The following CBARP variants were observed in gnomAD, a reference collection of about 807,000 sequenced individuals.
The protein encoded by CBARP is CACN subunit beta associated regulatory protein.
In CBARP, 24 loss-of-function variants were observed where a neutral mutation model predicts 36.3. The ratio of observed to expected loss-of-function variants is 0.66; its 90% confidence interval spans 0.48 to 0.93. CBARP has a LOEUF of 0.93. CBARP is among the 40% of genes least tolerant of loss of function. The pLI is 0.00. For synonymous variants in CBARP, 586 were observed against 453.2 expected (o/e 1.29, Z -3.72); for missense variants, 1,146 against 980.4 (o/e 1.17, Z -2.26).
In CBARP at chr19:1,228,675, C is replaced by T. The variant is rs1200253688; in HGVS notation, c.*504G>A. 2.0e-5 allele frequency: 3 copies of T among 152,322 alleles called. No homozygotes were observed. Among genetic ancestry groups the T allele is most frequent in the Non-Finnish European group, 4.4e-5 (3 of 68,736 alleles). 9.4% of individuals were successfully genotyped at this position (152,322 alleles called of 1,614,324 possible). On this transcript the variant is annotated 3_prime_UTR_variant, in exon 10 of 10. Coordinates refer to ENST00000650044, the MANE Select transcript of CBARP (RefSeq NM_001393918.1). ...CGGCAGTCACGGTGTTGAGCCGCCT[C>T]CCGGCCCAGGGCGGCGAACTCGTCT... is the stretch of plus-strand genomic sequence containing the variant.
At chr19:1,230,240 G>A in intron 9 of CBARP, 98 bp from the exon 10 acceptor site, 2 of 993,638 alleles carry the variant, frequency 2.0e-6, no homozygotes, top group Non-Finnish European at 2.4e-6. Flanking sequence ...GACGCGGGTG[G>A]GACTTGGGAC....
Position 1,229,772 on chromosome 19 carries a change from C to G in CBARP, c.1525G>C (p.Glu509Gln), listed in dbSNP as rs1163114764. Residue 509 changes from glutamate (E) to glutamine (Q), a missense_variant, in exon 10 of 10, where the codon GAG becomes CAG. Coordinates refer to ENST00000650044, the MANE Select transcript of CBARP (RefSeq NM_001393918.1). The surrounding 1 kb of genome is among the most constrained non-coding windows in gnomAD (Gnocchi z 5.1). ...LQMDSGYASI[E>Q]GRGAGDDTEP... is the part of the protein sequence containing the mutation. ...GTGTCGTCGCCTGCGCCGCGGCCCT[C>G]GATGCTGGCGTAGCCACTGTCCATC... 1 of 1,016,030 alleles carries G rather than the reference C, an allele frequency of 9.8e-7. No individual in the cohort carries two copies. The highest frequency in any genetic ancestry group is 1.2e-6 in the Non-Finnish European group (1 of 842,956). The allele number at this position is 1,016,030 out of a possible 1,614,324, so 62.9% of individuals were successfully genotyped here. A position where few individuals can be genotyped will look rare whatever the true frequency, so the allele number is the denominator to read the frequency against.
rs751881300 is a variant in CBARP, at chr19:1,233,430, C to T, written c.975G>A (p.Thr325=). ...EPSQRAASLD[T]RGSPKRHHFQ... is the part of the protein sequence containing the mutation. ...CCACCAGGTGCTACAGCTCACCTCTCGTGTCCAGACTGGCTGCCCGCTGGC... is the reference window on the plus strand; with the variant it reads ...CCACCAGGTGCTACAGCTCACCTCTTGTGTCCAGACTGGCTGCCCGCTGGC... Residue 325 remains threonine (T), a synonymous_variant, in exon 8 of 10, where the codon ACG becomes ACA. Transcript: ENST00000650044. The T allele has an allele frequency of 1.0e-5, 16 of 1,588,144 alleles. No individual in the cohort carries two copies. Among genetic ancestry groups the T allele is most frequent in the Admixed American group, 3.5e-5 (2 of 56,872 alleles).
At position 1,234,983 on chromosome 19, in the gene CBARP, C is replaced by G; in HGVS notation, c.455+18G>C. 6.3e-7 allele frequency: 1 copy of G among 1,591,862 alleles called. No individual in the cohort carries two copies. Among genetic ancestry groups the G allele is most frequent in the South Asian group, 1.1e-5 (1 of 90,112 alleles). The stretch of plus-strand genomic sequence containing the variant: ...CTCAGACAGGCCCTGGGGTGCCTCC[C>G]AACGCCGCCCCGCTTACCGGCGACC... On this transcript the variant is annotated intron_variant, in intron 5 of 9. Coordinates refer to ENST00000650044, the MANE Select transcript of CBARP (RefSeq NM_001393918.1).
upstream of CBARP, chr19:1,238,090 A>G (rs909219731): frequency 8.3e-5 from 12 of 145,206 alleles, no homozygotes; most frequent in African/African-American, 3.0e-4. Flanking sequence ...CCCACTCCGC[A>G]CGCGGAGCCG....
Position 1,229,222 on chromosome 19 carries a change from A to C in CBARP, c.2075T>G (p.Leu692Trp), listed in dbSNP as rs1380666895. The change falls in exon 10 of 10, where the codon TTG (leucine) becomes TGG (tryptophan). Residue 692 changes from leucine (L) to tryptophan (W), a missense_variant. Coordinates refer to ENST00000650044, the MANE Select transcript of CBARP (RefSeq NM_001393918.1). The surrounding 1 kb of genome is among the most constrained non-coding windows in gnomAD (Gnocchi z 5.1). ...LAEPVVATPA[L>W]VAAAPTSPDH... ...GGGGGACGTGGGGGCGGCGGCGACC[A>C]ACGCGGGAGTCGCCACGACGGGCTC... 3.3e-6 allele frequency: 4 copies of C among 1,218,294 alleles called. No individual in the cohort carries two copies. Among genetic ancestry groups the C allele is most frequent in the Non-Finnish European group, 4.2e-6 (4 of 955,678 alleles). 75.5% of individuals were successfully genotyped at this position (1,218,294 alleles called of 1,614,324 possible). A position where few individuals can be genotyped will look rare whatever the true frequency, so the allele number is the denominator to read the frequency against.
chr19:1,231,454 CT>C (rs1177564209), intron 8 of CBARP, among the ~76,000 whole-genome samples, 179 bp from the exon 9 acceptor site: 1 of 115,586 alleles, frequency 8.7e-6, no homozygotes, highest in Admixed American at 8.6e-5. Flanking sequence ...CATACAACGC[CT>C]GGGCCCCCCC....
chr19:1,233,665 C>T (rs1324055891), intron 7 of CBARP, 29 bp from the exon 8 acceptor site: 2 of 1,579,240 alleles, frequency 1.3e-6, no homozygotes, highest in South Asian at 2.3e-5. Context: ...GGCGCTCAGG[C>T]TAAGACTTCT....
intron 9 of CBARP, chr19:1,230,898 C>G (rs2080881051): frequency 6.4e-7 from 1 of 1,562,464 alleles, no homozygotes; most frequent in Admixed American, 1.9e-5. Flanking sequence ...TACCCTTACC[C>G]AGTCTCTCCC....
At chr19:1,234,859 G>A in intron 5 of CBARP, 117 bp from the exon 6 acceptor site, 1 of 1,502,900 alleles carries the variant, frequency 6.7e-7, no homozygotes, top group South Asian at 1.3e-5. Context: ...GGGGGCAACT[G>A]GCCAAGGCCG....
chr19:1,230,161 C>T lies in CBARP; in HGVS notation c.1155-19G>A, dbSNP rs2080870747. The T allele has an allele frequency of 1.0e-6, 1 of 1,001,040 alleles. No homozygotes were observed. Among genetic ancestry groups the T allele is most frequent in the Non-Finnish European group, 1.2e-6 (1 of 838,984 alleles). 62.0% of individuals were successfully genotyped at this position (1,001,040 alleles called of 1,614,324 possible). ...CTCTAGCCTGCAAGCCAGGCCGCGCCGTCAGAGCCCCGCCGAGCCCCGCGC... is the reference window on the plus strand; with the variant it reads ...CTCTAGCCTGCAAGCCAGGCCGCGCTGTCAGAGCCCCGCCGAGCCCCGCGC... On this transcript the variant is annotated intron_variant, in intron 9 of 9. Transcript: ENST00000650044.
intron 8 of CBARP, 48 bp from the exon 9 acceptor site, chr19:1,231,323 C>T (rs372217682): frequency 3.8e-5 from 59 of 1,570,120 alleles, no homozygotes; most frequent in African/African-American, 3.4e-4. Context: ...TGCCTCCACC[C>T]GCTCCACACA....
At position 1,229,258 on chromosome 19, in the gene CBARP, G is replaced by A; in HGVS notation, c.2039C>T (p.Pro680Leu). ...CGCCACGACGGGCTCGGCGAGGCGC[G>A]GCGGAAAGAGTCTCTCGTCGAGGCC... ...AAGLDERLFP[P>L]RLAEPVVATP... is the part of the protein sequence containing the mutation. Residue 680 changes from proline (P) to leucine (L), a missense_variant, in exon 10 of 10, where the codon CCG becomes CTG. Coordinates refer to ENST00000650044, the MANE Select transcript of CBARP (RefSeq NM_001393918.1). The surrounding 1 kb of genome is among the most constrained non-coding windows in gnomAD (Gnocchi z 5.1). 8.0e-7 allele frequency: 1 copy of A among 1,246,566 alleles called. No individual in the cohort carries two copies. The highest frequency in any genetic ancestry group is 1.6e-5 in the African/African-American group (1 of 61,664). The allele number at this position is 1,246,566 out of a possible 1,614,324, so 77.2% of individuals were successfully genotyped here.
In CBARP at chr19:1,234,691, C is replaced by T. The variant is rs375868119; in HGVS notation, c.507G>A (p.Thr169=). 22 of 1,612,788 alleles carry T rather than the reference C, an allele frequency of 1.4e-5. No individual in the cohort carries two copies. Among genetic ancestry groups the T allele is most frequent in the African/African-American group, 2.7e-5 (2 of 74,898 alleles). The change falls in exon 6 of 10, where the codon ACG becomes ACA. Residue 169 remains threonine, a synonymous_variant. Coordinates refer to ENST00000650044, the MANE Select transcript of CBARP (RefSeq NM_001393918.1). Reference sequence around the variant, plus strand: ...TCTTGAGGGGCGGCAGGTGCAGGTGCGTGAGCCGGGCATTCTTCAGGTGGT... The same window carrying T: ...TCTTGAGGGGCGGCAGGTGCAGGTGTGTGAGCCGGGCATTCTTCAGGTGGT... The part of the protein sequence containing the change: ...DFHHLKNARL[T]HLHLPPLKIV...
intron 8 of CBARP, 60 bp from the exon 9 acceptor site, chr19:1,231,335 A>C: frequency 6.5e-7 from 1 of 1,548,762 alleles, no homozygotes; most frequent in South Asian, 1.2e-5. Flanking sequence ...CTCCACACAC[A>C]CACAGAATGC....
chr19:1,229,189 C>T lies in CBARP; in HGVS notation c.2108G>A (p.Ser703Asn), dbSNP rs780366588. The change falls in exon 10 of 10, where the codon AGC becomes AAC. Residue 703 changes from serine to asparagine, a missense_variant. Coordinates refer to ENST00000650044, the MANE Select transcript of CBARP (RefSeq NM_001393918.1). This position sits in a 1 kb window ranked among gnomAD's most constrained non-coding sequence, Gnocchi z 5.1. ...VAAAPTSPDH[S>N]PA ...CCCAGGACGCGGGACTTAGGCCGGGCTGTGGTCGGGGGACGTGGGGGCGGC... is the reference window on the plus strand; with the variant it reads ...CCCAGGACGCGGGACTTAGGCCGGGTTGTGGTCGGGGGACGTGGGGGCGGC... The T allele has an allele frequency of 2.3e-5, 27 of 1,173,080 alleles. No homozygotes were observed. In the African/African-American group the frequency reaches 3.0e-4, roughly 13 times the overall value. The allele number at this position is 1,173,080 out of a possible 1,614,324, so 72.7% of individuals were successfully genotyped here. A position where few individuals can be genotyped will look rare whatever the true frequency, so the allele number is the denominator to read the frequency against.
chr19:1,228,493 G>T lies in CBARP; in HGVS notation c.*686C>A. 1.0e-5 allele frequency: 2 copies of T among 195,420 alleles called. No individual in the cohort carries two copies. The highest frequency in any genetic ancestry group is 3.6e-4 in the South Asian group (2 of 5,544). 12.1% of individuals were successfully genotyped at this position (195,420 alleles called of 1,614,324 possible). A position where few individuals can be genotyped will look rare whatever the true frequency, so the allele number is the denominator to read the frequency against. The stretch of plus-strand genomic sequence containing the variant: ...ATGGGGCGGCAGCGGGGCGGGCGCC[G>T]TTGACATGCGGAGGGCAGTGGGGAC... On this transcript the variant is annotated 3_prime_UTR_variant, in exon 10 of 10. Transcript: ENST00000650044.
Position 1,235,885 on chromosome 19 carries a change from G to C in CBARP, c.139C>G (p.Leu47Val), listed in dbSNP as rs554502107. 6.2e-7 allele frequency: 1 copy of C among 1,612,334 alleles called. No individual in the cohort carries two copies. ...EPDPILDNYV[L>V]LVVVMSLFVG... ...AACAGCGACATCACCACCACCAGCAGCACGTAGTTGTCCAGGATGGGGTCT... is the reference window on the plus strand; with the variant it reads ...AACAGCGACATCACCACCACCAGCACCACGTAGTTGTCCAGGATGGGGTCT... Residue 47 changes from leucine to valine, a missense_variant, in exon 3 of 10, where the codon CTG (leucine) becomes GTG (valine). By Grantham distance (32) the Leu-to-Val change is conservative. Transcript: ENST00000650044.
chr19:1,229,697 G>T lies in CBARP; in HGVS notation c.1600C>A (p.Arg534Ser). The change falls in exon 10 of 10, where the codon CGC becomes AGC. Residue 534 changes from arginine to serine, a missense_variant. Arg to Ser is a moderately radical substitution (Grantham distance 110). Coordinates refer to ENST00000650044, the MANE Select transcript of CBARP (RefSeq NM_001393918.1). The surrounding 1 kb of genome is among the most constrained non-coding windows in gnomAD (Gnocchi z 5.1). ...ATGCTGTAGTCGCGGCGCGGGCGGC[G>T]GGGCCAGGCGCGCGGGCTGCGGGGC... ...ARPRSPRAWP[R>S]RPRRDYSIDE... 9.7e-7 allele frequency: 1 copy of T among 1,026,676 alleles called. No individual in the cohort carries two copies. The highest frequency in any genetic ancestry group is 2.7e-5 in the South Asian group (1 of 37,726). 63.6% of individuals were successfully genotyped at this position (1,026,676 alleles called of 1,614,324 possible).
Sources: gnomAD v4.1 joint callset for allele counts (sites outside exome capture counted in the v4.1 genomes callset) on GRCh38, gnomAD v4.1.1 for gene constraint, Gnocchi (gnomAD v3.1) non-coding constraint, MANE v1.5 for transcripts, NCBI Gene and HGNC (gene_info 2026-07-23, HGNC 2026-07-21) for gene names.